Variants in CNTN6 observed in about 807,000 individuals in gnomAD.
CNTN6 encodes contactin-6.
A neutral mutation model predicts 122.8 loss-of-function variants in CNTN6; 137 were observed. That is an observed-to-expected ratio of 1.12 (90% confidence interval 0.97 to 1.29). The LOEUF (loss-of-function observed/expected upper bound fraction) is 1.29, where lower values mean the gene tolerates loss of function less well. CNTN6 is among the 50% of genes most tolerant of loss of function. The pLI is 0.00. For synonymous variants in CNTN6, 570 were observed against 426.0 expected, an observed-to-expected ratio of 1.34 and a Z score of -4.16; for missense variants, 1,634 against 1,223.4, an observed-to-expected ratio of 1.34 and a Z score of -5.01.
rs377314746 is a variant in CNTN6, at chr3:1,377,012, T to C, written c.2103T>C (p.Val701=). 38 of 1,596,828 alleles carry C rather than the reference T, an allele frequency of 2.4e-5. No homozygotes were observed. Among genetic ancestry groups the C allele is most frequent in the Non-Finnish European group, 3.0e-5 (35 of 1,170,552 alleles). ...ELLRTKASVP[V]VAPVNIHGGG... The stretch of plus-strand genomic sequence containing the variant: ...TCTCTTGGTTATTTTTAGTCCCTGT[T>C]GTGGCACCAGTAAACATCCATGGAG... Residue 701 remains valine (V), a synonymous_variant, in exon 17 of 23, where the codon GTT becomes GTC. Transcript: ENST00000446702.
intron 5 of CNTN6, among the ~76,000 whole-genome samples, chr3:1,290,463 G>A (rs991728305): frequency 1.3e-5 from 2 of 152,102 alleles, no homozygotes; most frequent in African/African-American, 4.8e-5. Context: ...GAGAGGACAT[G>A]AACATAGAAA....
At chr3:1,348,999 C>T (rs1442997967) in intron 11 of CNTN6, among the ~76,000 whole-genome samples, 3 of 151,894 alleles carry the variant, frequency 2.0e-5, no homozygotes, top group East Asian at 3.9e-4. Context: ...TTTTTATTTT[C>T]GCATCCCCAT....
intron 1 of CNTN6, among the ~76,000 whole-genome samples, chr3:1,134,756 A>G (rs1051613483): frequency 2.6e-5 from 4 of 152,128 alleles, no homozygotes; most frequent in Non-Finnish European, 4.4e-5. Flanking sequence ...TTTATTTAAG[A>G]AAGCATCTTT....
At chr3:1,302,923 A>C (rs1213301087) in intron 7 of CNTN6, among the ~76,000 whole-genome samples, 6 of 144,068 alleles carry the variant, frequency 4.2e-5, no homozygotes, top group Admixed American at 1.5e-4. Flanking sequence ...CTTCTGTCCA[A>C]GTTCTTAATC....
chr3:1,239,464 C>T (rs1352681658), intron 4 of CNTN6, among the ~76,000 whole-genome samples: 1 of 152,080 alleles, frequency 6.6e-6, no homozygotes, highest in Non-Finnish European at 1.5e-5. Context: ...TATATCTAAT[C>T]AAGGATGTGA....
At chr3:1,274,894 A>G (rs944752726) in intron 4 of CNTN6, among the ~76,000 whole-genome samples, 2 of 152,074 alleles carry the variant, frequency 1.3e-5, no homozygotes, top group Non-Finnish European at 2.9e-5. Flanking sequence ...TTTAATCCCC[A>G]TAACAACCCT....
chr3:1,320,772 G>A (rs756750081), intron 7 of CNTN6, among the ~76,000 whole-genome samples: 3 of 151,456 alleles, frequency 2.0e-5, no homozygotes, highest in Non-Finnish European at 4.4e-5. Context: ...CAGCCTGCCC[G>A]TTCTTATTTT....
intron 2 of CNTN6, among the ~76,000 whole-genome samples, chr3:1,180,052 A>G (rs143784692): frequency 7.4e-4 from 113 of 152,310 alleles, no homozygotes; most frequent in African/African-American, 2.5e-3. Context: ...ATGAATTTGC[A>G]ATTTGTCCAA....
At chr3:1,377,913 G>A (rs1037126966) in intron 17 of CNTN6, among the ~76,000 whole-genome samples, 3 of 152,036 alleles carry the variant, frequency 2.0e-5, no homozygotes, top group East Asian at 1.9e-4. Context: ...CATTTCATAG[G>A]GTAGGGTTTC....
chr3:1,237,127 A>G (rs147122676), intron 4 of CNTN6, among the ~76,000 whole-genome samples: 1 of 152,160 alleles, frequency 6.6e-6, no homozygotes, highest in East Asian at 1.9e-4. Flanking sequence ...AGTCCAGCTT[A>G]AAGAAATTAA....
rs1410236085 is a variant in CNTN6 at position 1,297,947 on chromosome 3, T to G, written c.717T>G (p.Ala239=). ...IEVRFPETIQ[A]AKDSSVKLEC... ...TGCGTTTTCCTGAAACTATACAAGC[T>G]GCAAAGGATTCATCTGTAAAACTGG... Residue 239 remains alanine, a synonymous_variant, in exon 7 of 23, where the codon GCT becomes GCG. Transcript: ENST00000446702. 15 of 1,612,792 alleles carry G rather than the reference T, an allele frequency of 9.3e-6. No homozygotes were observed. Among genetic ancestry groups the G allele is most frequent in the Non-Finnish European group, 1.3e-5 (15 of 1,179,644 alleles).
At chr3:1,244,258 T>G (rs1228541387) in intron 4 of CNTN6, among the ~76,000 whole-genome samples, 2 of 151,958 alleles carry the variant, frequency 1.3e-5, no homozygotes, top group Non-Finnish European at 2.9e-5. Flanking sequence ...TGGCCCATAG[T>G]GAAGGAAGCA....
At chr3:1,246,547 C>T (rs546231434) in intron 4 of CNTN6, among the ~76,000 whole-genome samples, 97 of 152,000 alleles carry the variant, frequency 6.4e-4, no homozygotes, top group African/African-American at 2.2e-3. Flanking sequence ...TTGTATATAC[C>T]AGAAATCAGA....
At position 1,329,888 on chromosome 3, in the gene CNTN6, A is replaced by G. The variant is rs1296930096; in HGVS notation, c.1317A>G (p.Ala439=). ...GCAAACCAAATGCTTTTCCCAGGGC[A>G]GCTATCTCTTGGAAAAGAGGAACGG... is the stretch of plus-strand genomic sequence containing the variant. ...IGCKPNAFPR[A]AISWKRGTET... is the part of the protein sequence containing the mutation. Residue 439 remains alanine, a synonymous_variant, in exon 11 of 23, where the codon GCA becomes GCG. Transcript: ENST00000446702. 15 of 1,610,206 alleles carry G rather than the reference A, an allele frequency of 9.3e-6. No individual in the cohort carries two copies. Among genetic ancestry groups the G allele is most frequent in the Non-Finnish European group, 1.2e-5 (14 of 1,177,634 alleles).
chr3:1,336,141 C>T (rs773943222), intron 11 of CNTN6, among the ~76,000 whole-genome samples: 8 of 151,870 alleles, frequency 5.3e-5, no homozygotes, highest in Non-Finnish European at 1.0e-4. Context: ...AAAAAGCCTA[C>T]TGCACTTTGC....
At chr3:1,104,998 C>G (rs1223985551) in intron 1 of CNTN6, among the ~76,000 whole-genome samples, 1 of 152,022 alleles carries the variant, frequency 6.6e-6, no homozygotes, top group Non-Finnish European at 1.5e-5. Context: ...GTACCTGAAT[C>G]TTTTAATATG....
chr3:1,289,178 G>T (rs1575569891), intron 5 of CNTN6, among the ~76,000 whole-genome samples: 1 of 150,464 alleles, frequency 6.6e-6, no homozygotes, highest in Admixed American at 6.6e-5. Flanking sequence ...AGTTTGGAAG[G>T]TTTTTTTTTT....
intron 4 of CNTN6, among the ~76,000 whole-genome samples, chr3:1,273,358 T>C (rs936497279): frequency 5.9e-5 from 9 of 152,144 alleles, no homozygotes; most frequent in Admixed American, 5.2e-4. Flanking sequence ...AAATAGAAAC[T>C]GGTGGTTCTC....
chr3:1,281,113 A>G (rs1226225577), intron 5 of CNTN6, among the ~76,000 whole-genome samples: 3 of 152,242 alleles, frequency 2.0e-5, no homozygotes, highest in Non-Finnish European at 4.4e-5. Context: ...AATCATGGAT[A>G]TGATCTCTCA....
Sources: gnomAD v4.1 joint callset for allele counts (sites outside exome capture counted in the v4.1 genomes callset) on GRCh38, gnomAD v4.1.1 for gene constraint, MANE v1.5 for transcripts, NCBI Gene and HGNC (gene_info 2026-07-23, HGNC 2026-07-21) for gene names.